The following TRPS1 variants were observed in gnomAD, a reference collection of about 807,000 sequenced individuals.
The protein encoded by TRPS1 is transcriptional repressor GATA binding 1.
TRPS1 carries 6 observed loss-of-function variants against 101.2 expected under a neutral mutation model. That is an observed-to-expected ratio of 0.06 (90% CI 0.03 to 0.12). The LOEUF (loss-of-function observed/expected upper bound fraction) is 0.12, where lower values mean the gene tolerates loss of function less well. Ranked by LOEUF, TRPS1 falls within the 10% of genes least tolerant of loss-of-function variation. TRPS1 has a pLI of 1.00. For missense variants in TRPS1, 1,363 were observed against 1,567.0 expected, an observed-to-expected ratio of 0.87 and a Z score of 2.20; for synonymous variants, 578 against 589.8, an observed-to-expected ratio of 0.98 and a Z score of 0.29.
chr8:115,505,866 T>A (rs1270687976), intron 5 of TRPS1, among the ~76,000 whole-genome samples: 1 of 152,130 alleles, frequency 6.6e-6, no homozygotes, highest in Non-Finnish European at 1.5e-5. Flanking sequence ...CAAATTTTTT[T>A]AAATGTGTAT....
At position 115,536,525 on chromosome 8, in the gene TRPS1, A is replaced by AAAC. The variant is rs994217183; in HGVS notation, c.2700+50475_2700+50476insGTT. ...GCGACAGAGGGAGACTCCGTCTCAA[A>AAAC]AAAAAAAAAAAAAAAATGTATTTCA... On this transcript the variant is annotated intron_variant, in intron 5 of 6. Coordinates refer to ENST00000395715, the MANE Select transcript of TRPS1 (RefSeq NM_014112.5). Among the ~76,000 whole-genome samples the AAAC allele has an allele frequency of 2.0e-5, 3 of 151,614 alleles. 1 individual carries two copies. Among genetic ancestry groups the AAAC allele is most frequent in the African/African-American group, 7.2e-5 (3 of 41,428 alleles).
At chr8:115,482,789 A>G (rs1438508072) in intron 5 of TRPS1, among the ~76,000 whole-genome samples, 1 of 152,238 alleles carries the variant, frequency 6.6e-6, no homozygotes, top group Non-Finnish European at 1.5e-5. Context: ...TACAACCTCA[A>G]TAATGAGGAT....
intron 1 of TRPS1, among the ~76,000 whole-genome samples, chr8:115,631,844 A>G (rs1818653010): frequency 6.6e-6 from 1 of 152,166 alleles, no homozygotes; most frequent in Admixed American, 6.6e-5. Flanking sequence ...TCAAGGCATT[A>G]ATTTTCTCCT....
intron 5 of TRPS1, among the ~76,000 whole-genome samples, chr8:115,491,882 C>T (rs1177915676): frequency 6.6e-5 from 10 of 151,776 alleles, no homozygotes; most frequent in Non-Finnish European, 1.3e-4. Context: ...TGAATGAATC[C>T]AAATACAAAC....
chr8:115,454,534 T>C (rs1813966167), intron 5 of TRPS1, among the ~76,000 whole-genome samples: 1 of 152,210 alleles, frequency 6.6e-6, no homozygotes, highest in African/African-American at 2.4e-5. Flanking sequence ...GAGCCAAAGA[T>C]ACTGATGCTT....
chr8:115,525,641 T>C (rs1324859568), intron 5 of TRPS1, among the ~76,000 whole-genome samples: 1 of 152,086 alleles, frequency 6.6e-6, no homozygotes, highest in African/African-American at 2.4e-5. Context: ...AGTGAGAGAG[T>C]GGTTAGAAAC....
At chr8:115,632,603 T>C (rs1478505014) in intron 1 of TRPS1, among the ~76,000 whole-genome samples, 1 of 152,124 alleles carries the variant, frequency 6.6e-6, no homozygotes, top group Admixed American at 6.6e-5. Context: ...TTGTGGCATA[T>C]GATTATAAAA....
intron 5 of TRPS1, among the ~76,000 whole-genome samples, chr8:115,480,619 A>G (rs1814728376): frequency 6.6e-6 from 1 of 152,064 alleles, no homozygotes; most frequent in Non-Finnish European, 1.5e-5. Flanking sequence ...CTTAATGTGT[A>G]ACCTCTCGAA....
chr8:115,560,962 T>G (rs1291431430), intron 5 of TRPS1, among the ~76,000 whole-genome samples: 1 of 152,096 alleles, frequency 6.6e-6, no homozygotes, highest in Non-Finnish European at 1.5e-5. Flanking sequence ...TCCTACCTCA[T>G]TACCTCTAAC....
intron 5 of TRPS1, among the ~76,000 whole-genome samples, chr8:115,504,238 G>A (rs1339009625): frequency 6.6e-6 from 1 of 152,110 alleles, no homozygotes; most frequent in African/African-American, 2.4e-5. Context: ...TCTTGTAGAT[G>A]TCCAAGGCCA....
At chr8:115,589,346 T>C (rs1227502876) in intron 4 of TRPS1, among the ~76,000 whole-genome samples, 2 of 152,184 alleles carry the variant, frequency 1.3e-5, no homozygotes, top group African/African-American at 4.8e-5. Flanking sequence ...ACTTCATTCC[T>C]TTATAAGACA....
chr8:115,435,267 T>C (rs1002403038), intron 5 of TRPS1, among the ~76,000 whole-genome samples: 9 of 152,350 alleles, frequency 5.9e-5, no homozygotes, highest in Admixed American at 3.3e-4. Context: ...ATCGCATTTC[T>C]GGAAAGAGGC....
chr8:115,619,336 C>T lies in TRPS1; in HGVS notation c.762G>A (p.Lys254=). The T allele has an allele frequency of 1.2e-6, 2 of 1,614,188 alleles. No individual in the cohort carries two copies. The highest frequency in any genetic ancestry group is 1.7e-6 in the Non-Finnish European group (2 of 1,180,048). ...YYGNDPTDLI[K]HFRKYHLGLH... is the part of the protein sequence containing the mutation. ...GTCCTAAGTGATACTTTCGGAAGTG[C>T]TTAATCAGATCTGTGGGGTCGTTGC... Residue 254 remains lysine (K), a synonymous_variant, in exon 3 of 7, where the codon AAG becomes AAA. Coordinates refer to ENST00000395715, the MANE Select transcript of TRPS1 (RefSeq NM_014112.5).
chr8:115,605,850 G>C (rs1818025871), intron 3 of TRPS1, among the ~76,000 whole-genome samples: 1 of 152,078 alleles, frequency 6.6e-6, no homozygotes, highest in African/African-American at 2.4e-5. Flanking sequence ...ATGGAATCAG[G>C]ACTATGAAAG....
chr8:115,456,284 T>C (rs1043331119), intron 5 of TRPS1, among the ~76,000 whole-genome samples: 1 of 152,190 alleles, frequency 6.6e-6, no homozygotes, highest in Non-Finnish European at 1.5e-5. Flanking sequence ...TCCTATTCTA[T>C]GTTACGTGAC....
At chr8:115,518,493 G>C (rs1815777050) in intron 5 of TRPS1, among the ~76,000 whole-genome samples, 1 of 151,718 alleles carries the variant, frequency 6.6e-6, no homozygotes, top group South Asian at 2.1e-4. Context: ...TATGTTATTT[G>C]TTAAAATTTA....
intron 4 of TRPS1, among the ~76,000 whole-genome samples, chr8:115,593,218 C>T (rs1003961950): frequency 6.6e-6 from 1 of 152,128 alleles, no homozygotes; most frequent in Admixed American, 6.6e-5. Context: ...ACTACAAGCA[C>T]AAAATTGTCA....
chr8:115,429,702 T>G (rs1368724161), intron 5 of TRPS1, among the ~76,000 whole-genome samples: 1 of 152,218 alleles, frequency 6.6e-6, no homozygotes, highest in Non-Finnish European at 1.5e-5. Flanking sequence ...TGAGATTTTA[T>G]TTCATGAGAA....
intron 5 of TRPS1, among the ~76,000 whole-genome samples, chr8:115,457,835 G>A (rs997065618): frequency 6.6e-6 from 1 of 152,182 alleles, no homozygotes; most frequent in Non-Finnish European, 1.5e-5. Flanking sequence ...CAGGTGTGCT[G>A]ACTGGCACAG....
Sources: allele counts gnomAD v4.1 joint callset (sites outside exome capture counted in the v4.1 genomes callset), GRCh38; gene constraint gnomAD v4.1.1; transcripts MANE v1.5; gene names NCBI Gene and HGNC (gene_info 2026-07-23, HGNC 2026-07-21).